SI: variants seen among roughly 807,000 people sequenced by gnomAD.
The protein encoded by SI is sucrase-isomaltase, intestinal.
In SI, 235 loss-of-function variants were observed where a neutral mutation model predicts 253.3. That is an observed-to-expected ratio of 0.93 (90% CI 0.83 to 1.03). The LOEUF is 1.03. Among genes scored for constraint, SI ranks in the 50% least tolerant of loss-of-function variants. The pLI is 0.00. For missense variants in SI, 2,442 were observed against 2,211.1 expected, an observed-to-expected ratio of 1.10 and a Z score of -2.09; for synonymous variants, 819 against 712.0, an observed-to-expected ratio of 1.15 and a Z score of -2.39.
chr3:164,980,557 T>A (rs1717133339), intron 47 of SI, among the ~76,000 whole-genome samples: 1 of 151,930 alleles, frequency 6.6e-6, no homozygotes, highest in Admixed American at 6.6e-5. Context: ...CAGTGATTAC[T>A]CATAAATACT....
At chr3:165,042,919 T>C in intron 17 of SI, 140 bp downstream of exon 17, 1 of 692,338 alleles carries the variant, frequency 1.4e-6, no homozygotes, top group South Asian at 1.6e-5. Context: ...GTATAGGACT[T>C]GAGAGAGGGA....
intron 19 of SI, among the ~76,000 whole-genome samples, chr3:165,039,646 G>C (rs1041323488): frequency 2.0e-5 from 3 of 151,268 alleles, no homozygotes; most frequent in African/African-American, 4.9e-5. Flanking sequence ...TTTTTTTCAG[G>C]AGAAAAATAA....
chr3:165,037,636 C>T (rs1395996058), intron 21 of SI, among the ~76,000 whole-genome samples: 3 of 151,714 alleles, frequency 2.0e-5, no homozygotes, highest in Non-Finnish European at 2.9e-5. Context: ...CAAATATTAT[C>T]TTTAATTATG....
chr3:165,060,803 T>A (rs537620045), intron 9 of SI, among the ~76,000 whole-genome samples: 215 of 147,570 alleles, frequency 1.5e-3, no homozygotes, highest in African/African-American at 5.1e-3. Context: ...TGGTTTAGGC[T>A]TTTATATACA....
chr3:165,057,676 C>A (rs950425963), intron 12 of SI, among the ~76,000 whole-genome samples: 12 of 148,860 alleles, frequency 8.1e-5, no homozygotes, highest in African/African-American at 2.7e-4. Context: ...GAGAGAGTGG[C>A]ATGACATATT....
chr3:165,042,604 C>T (rs1386464245), intron 17 of SI, among the ~76,000 whole-genome samples: 4 of 151,982 alleles, frequency 2.6e-5, no homozygotes, highest in African/African-American at 7.2e-5. Context: ...TATTGAAAGA[C>T]GCTGGACTCT....
chr3:165,063,364 G>T, intron 8 of SI, 78 bp downstream of exon 8: 6 of 711,602 alleles, frequency 8.4e-6, no homozygotes, highest in East Asian at 2.7e-5. Context: ...CATACAATAT[G>T]AATGATTGAA....
chr3:165,082,729 G>GT (rs1038531797), upstream of SI, among the ~76,000 whole-genome samples: 4 of 152,004 alleles, frequency 2.6e-5, no homozygotes, highest in African/African-American at 9.6e-5. Context: ...TTTTCAGGAT[G>GT]TTTTATATAC....
chr3:165,043,125 G>T lies in SI; in HGVS notation c.1938C>A (p.Cys646Ter), dbSNP rs551975446. 6.2e-7 allele frequency: 1 copy of T among 1,612,640 alleles called. No homozygotes were observed. The highest frequency in any genetic ancestry group is 1.3e-5 in the African/African-American group (1 of 74,956). Reference sequence around the variant, plus strand: ...ATGCCCCAAGTTGCATCCATCTTCTGCAAAGTTCTTCTGTGGTTTCAGCCA... The same window carrying T: ...ATGCCCCAAGTTGCATCCATCTTCTTCAAAGTTCTTCTGTGGTTTCAGCCA... ...GFVAETTEEL[C>*]RRWMQLGAFY... The change falls in exon 17 of 48, where the codon TGC becomes TGA. Residue 646 changes from cysteine (C) to a stop codon, truncating the protein, a stop_gained. Coordinates refer to ENST00000264382, the MANE Select transcript of SI (RefSeq NM_001041.4). LOFTEE classifies it high-confidence loss of function.
rs1370097127 is a variant in SI, at chr3:165,065,305, A to T, written c.763T>A (p.Trp255Arg). The change falls in exon 7 of 48, where the codon TGG becomes AGG. Residue 255 changes from tryptophan to arginine, a missense_variant. By Grantham distance (101) the Trp-to-Arg change is moderately radical. Transcript: ENST00000264382. The stretch of plus-strand genomic sequence containing the variant: ...CGAGTAAAAATTGGCCATGTTTTCC[A>T]GGATAAATCATGACGAAATCTCTTA... ...VHKRFRHDLS[W>R]KTWPIFTRDQ... 1.9e-6 allele frequency: 3 copies of T among 1,608,574 alleles called. No homozygotes were observed. In the South Asian group the frequency reaches 3.3e-5, roughly 18 times the overall value.
chr3:165,065,691 A>G (rs917431596), intron 6 of SI, among the ~76,000 whole-genome samples: 1 of 151,238 alleles, frequency 6.6e-6, no homozygotes, highest in Non-Finnish European at 1.5e-5. Flanking sequence ...TCAAAGCATA[A>G]CTACCATTAT....
chr3:165,059,874 A>G, intron 10 of SI, 28 bp downstream of exon 10: 2 of 1,606,790 alleles, frequency 1.2e-6, no homozygotes, highest in Non-Finnish European at 1.7e-6. Context: ...CTTGATATAT[A>G]TTCCCACGGA....
chr3:165,080,074 A>G (rs965653115), upstream of SI, among the ~76,000 whole-genome samples: 3 of 152,004 alleles, frequency 2.0e-5, no homozygotes, highest in Non-Finnish European at 4.4e-5. Context: ...TGGAAACAAC[A>G]AAAGTGTCTG....
In SI at chr3:165,017,792, G is replaced by C. The variant is rs777533492; in HGVS notation, c.3602C>G (p.Thr1201Ser). The C allele has an allele frequency of 5.0e-6, 8 of 1,612,940 alleles. No individual in the cohort carries two copies. In the East Asian group the frequency reaches 1.6e-4, roughly 32 times the overall value. Reference sequence around the variant, plus strand: ...GTATTGCTTTGTTGCAACTTCTGGAGTTGGGCCCAAAAACATATAAAAATC... The same window carrying C: ...GTATTGCTTTGTTGCAACTTCTGGACTTGGGCCCAAAAACATATAAAAATC... ...ILDFYMFLGP[T>S]PEVATKQYHE... The change falls in exon 30 of 48, where the codon ACT (threonine) becomes AGT (serine). Residue 1201 changes from threonine to serine, a missense_variant. Transcript: ENST00000264382.
At chr3:165,023,825 A>G in intron 25 of SI, 49 bp from the exon 26 acceptor site, 1 of 1,313,940 alleles carries the variant, frequency 7.6e-7, no homozygotes, top group Non-Finnish European at 1.1e-6. Flanking sequence ...GCCTTGTAAT[A>G]TTTTACTCTT....
intron 33 of SI, among the ~76,000 whole-genome samples, chr3:165,014,768 T>C (rs896176213): frequency 6.6e-6 from 1 of 152,142 alleles, no homozygotes; most frequent in Non-Finnish European, 1.5e-5. Context: ...ATGTTGTTGC[T>C]ACTATTAACA....
chr3:165,028,946 C>A (rs1169547396), intron 25 of SI, among the ~76,000 whole-genome samples: 10 of 151,512 alleles, frequency 6.6e-5, no homozygotes, highest in Admixed American at 2.6e-4. Context: ...AAACTAAGAT[C>A]TTTTGCAGTG....
At chr3:165,073,332 G>A (rs935304601) in intron 3 of SI, among the ~76,000 whole-genome samples, 2 of 151,936 alleles carry the variant, frequency 1.3e-5, no homozygotes, top group Admixed American at 1.3e-4. Context: ...TGCCTAAGAA[G>A]GTTAAGTAAA....
At chr3:165,058,931 G>A (rs756197915) in intron 12 of SI, 32 bp downstream of exon 12, 1 of 1,586,904 alleles carries the variant, frequency 6.3e-7, no homozygotes, top group Admixed American at 1.7e-5. Context: ...GAAAATTTGA[G>A]CAACATAGTT....
Sources: gnomAD v4.1 joint callset for allele counts (sites outside exome capture counted in the v4.1 genomes callset) on GRCh38, gnomAD v4.1.1 for gene constraint, MANE v1.5 for transcripts, NCBI Gene and HGNC (gene_info 2026-07-23, HGNC 2026-07-21) for gene names.